Variants in ADGRF4 observed in about 807,000 individuals in gnomAD.
ADGRF4 encodes the protein G-protein coupled receptor PGR18.
ADGRF4 carries 63 observed loss-of-function variants against 58.5 expected under a neutral mutation model. The observed-to-expected ratio is 1.08, with a 90% CI of 0.88 to 1.33. The LOEUF is 1.33. ADGRF4 is among the 40% of genes most tolerant of loss of function. The pLI is 0.00. For missense variants in ADGRF4, 931 were observed against 843.9 expected, an observed-to-expected ratio of 1.10 and a Z score of -1.28; for synonymous variants, 313 against 295.4, an observed-to-expected ratio of 1.06 and a Z score of -0.61.
intron 8 of ADGRF4, among the ~76,000 whole-genome samples, chr6:47,717,645 C>A (rs1444863404): frequency 6.6e-6 from 1 of 152,158 alleles, no homozygotes; most frequent in Non-Finnish European, 1.5e-5. Flanking sequence ...AATGTGAGAG[C>A]GCTGAAATGA....
Position 47,714,494 on chromosome 6 carries a change from GTTCTTT to G in ADGRF4, c.1250_1255del (p.Val417_Cys419delinsGly). The G allele has an allele frequency of 1.2e-6, 2 of 1,614,104 alleles. No individual in the cohort carries two copies. The highest frequency in any genetic ancestry group is 1.7e-6 in the Non-Finnish European group (2 of 1,180,004). ...GCTCAGCGTCTCAATCCTAAGCTTG[GTTCTTT>G]GCCTGATCATTGAAGCCACAGTGTG... On this transcript the variant is annotated inframe_deletion, in exon 6 of 10. Transcript: ENST00000283303.
chr6:47,715,295 T>C, intron 6 of ADGRF4, 118 bp downstream of exon 6: 1 of 780,888 alleles, frequency 1.3e-6, no homozygotes. Flanking sequence ...ATCTTAGGGT[T>C]ATTTGGCTAT....
At chr6:47,698,989 GT>G (rs1457024592) in intron 1 of ADGRF4, among the ~76,000 whole-genome samples, 195 bp downstream of exon 1, 3 of 152,140 alleles carry the variant, frequency 2.0e-5, no homozygotes, top group Non-Finnish European at 4.4e-5. Context: ...TTTTACGTTT[GT>G]TTTTCTTTAA....
chr6:47,710,878 C>T lies in ADGRF4; in HGVS notation c.292C>T (p.Leu98Phe). ...ETCTSLSVEK[L>F]FKDSTGASRL... Reference sequence around the variant, plus strand: ...ATGTACAAGCCTTTCTGTGGAAAAACTCTTTAAGGTGATGCATTCACAAAT... The same window carrying T: ...ATGTACAAGCCTTTCTGTGGAAAAATTCTTTAAGGTGATGCATTCACAAAT... The change falls in exon 4 of 10, where the codon CTC (leucine) becomes TTC (phenylalanine). Residue 98 changes from leucine (L) to phenylalanine (F), a missense_variant. By Grantham distance (22) the Leu-to-Phe change is conservative. Coordinates refer to ENST00000283303, the MANE Select transcript of ADGRF4 (RefSeq NM_153838.5). The T allele has an allele frequency of 6.2e-7, 1 of 1,610,082 alleles. No homozygotes were observed. The highest frequency in any genetic ancestry group is 1.1e-5 in the South Asian group (1 of 89,880).
chr6:47,720,622 G>A (rs1035399331), intron 9 of ADGRF4, among the ~76,000 whole-genome samples: 1 of 152,198 alleles, frequency 6.6e-6, no homozygotes, highest in Admixed American at 6.5e-5. Flanking sequence ...CTGGGAGGCA[G>A]GGGAGAGAGG....
chr6:47,699,062 G>A (rs1396175507), intron 1 of ADGRF4, among the ~76,000 whole-genome samples: 1 of 152,106 alleles, frequency 6.6e-6, no homozygotes, highest in East Asian at 1.9e-4. Context: ...TATCCTGTCA[G>A]GCAAATAAAC....
intron 1 of ADGRF4, among the ~76,000 whole-genome samples, chr6:47,706,311 A>G (rs1448417990): frequency 2.6e-5 from 4 of 152,244 alleles, no homozygotes; most frequent in East Asian, 3.8e-4. Context: ...AAAAGGCAAG[A>G]AACAGAGATA....
rs372229386 is a variant in ADGRF4 at position 47,712,375 on chromosome 6, C to T, written c.319C>T (p.Arg107Cys). ...KLFKDSTGAS[R>C]LSVAAPSIPL... ...TAAACAGGACTCAACTGGTGCATCT[C>T]GCCTTTCTGTAGCAGCACCATCTAT... is the stretch of plus-strand genomic sequence containing the variant. The change falls in exon 5 of 10, where the codon CGC (arginine) becomes TGC (cysteine). Residue 107 changes from arginine (R) to cysteine (C), a missense_variant. Coordinates refer to ENST00000283303, the MANE Select transcript of ADGRF4 (RefSeq NM_153838.5). The T allele has an allele frequency of 1.7e-4, 267 of 1,613,754 alleles. No individual in the cohort carries two copies. The highest frequency in any genetic ancestry group is 2.1e-4 in the Non-Finnish European group (252 of 1,179,812).
At chr6:47,717,999 A>G (rs1429612824) in intron 8 of ADGRF4, among the ~76,000 whole-genome samples, 1 of 152,216 alleles carries the variant, frequency 6.6e-6, no homozygotes, top group Non-Finnish European at 1.5e-5. Context: ...CCCCTTCCTT[A>G]AAAACGAAAA....
chr6:47,714,906 A>G lies in ADGRF4; in HGVS notation c.1661A>G (p.Asp554Gly). The part of the protein sequence containing the change: ...MRPEACWLNW[D>G]NTKALLAFAI... Reference sequence around the variant, plus strand: ...CCTGAGGCCTGTTGGCTTAACTGGGACAATACCAAAGCCCTTTTAGCATTT... The same window carrying G: ...CCTGAGGCCTGTTGGCTTAACTGGGGCAATACCAAAGCCCTTTTAGCATTT... Residue 554 changes from aspartate to glycine, a missense_variant, in exon 6 of 10, where the codon GAC becomes GGC. Physicochemically the swap from Asp to Gly is moderately conservative, Grantham distance 94. Coordinates refer to ENST00000283303, the MANE Select transcript of ADGRF4 (RefSeq NM_153838.5). 1 of 1,612,948 alleles carries G rather than the reference A, an allele frequency of 6.2e-7. No individual in the cohort carries two copies.
chr6:47,710,877 A>T lies in ADGRF4; in HGVS notation c.291A>T (p.Lys97Asn), dbSNP rs1157592581. The T allele has an allele frequency of 6.2e-7, 1 of 1,611,160 alleles. No individual in the cohort carries two copies. Among genetic ancestry groups the T allele is most frequent in the Non-Finnish European group, 8.5e-7 (1 of 1,179,288 alleles). Residue 97 changes from lysine (K) to asparagine (N), a missense_variant, in exon 4 of 10, where the codon AAA (lysine) becomes AAT (asparagine). Lys to Asn is a moderately conservative substitution (Grantham distance 94). Coordinates refer to ENST00000283303, the MANE Select transcript of ADGRF4 (RefSeq NM_153838.5). ...CATGTACAAGCCTTTCTGTGGAAAA[A>T]CTCTTTAAGGTGATGCATTCACAAA... ...AETCTSLSVE[K>N]LFKDSTGASR...
intron 7 of ADGRF4, 81 bp downstream of exon 7, chr6:47,716,928 G>C: frequency 1.1e-6 from 1 of 951,944 alleles, no homozygotes; most frequent in Non-Finnish European, 1.7e-6. Flanking sequence ...TTTGATTGGA[G>C]AGCATACTCC....
chr6:47,702,662 T>G lies in ADGRF4; in HGVS notation c.-17+3868T>G, dbSNP rs77640594. On this transcript the variant is annotated intron_variant, in intron 1 of 9. Coordinates refer to ENST00000283303, the MANE Select transcript of ADGRF4 (RefSeq NM_153838.5). ...TGTTTCCCCTCACTGAGTACTAGAA[T>G]CTTGATTTAAATGGAGACGTCTCTT... 4.3e-3 allele frequency among the ~76,000 whole-genome samples: 660 copies of G among 152,284 alleles called. 3 individuals carry two copies. The highest frequency in any genetic ancestry group is 0.014 in the African/African-American group (575 of 41,564).
At chr6:47,711,005 A>C (rs922322368) in intron 4 of ADGRF4, 119 bp downstream of exon 4, 2 of 921,120 alleles carry the variant, frequency 2.2e-6, no homozygotes, top group Admixed American at 2.9e-5. Context: ...AGAAAAATCT[A>C]CAGAATGGGT....
At chr6:47,708,954 G>A (rs563252351) in intron 3 of ADGRF4, among the ~76,000 whole-genome samples, 1 of 151,572 alleles carries the variant, frequency 6.6e-6, no homozygotes, top group East Asian at 1.9e-4. Context: ...TTCCATATTT[G>A]TAACAACATT....
chr6:47,718,571 T>C, intron 9 of ADGRF4, 126 bp downstream of exon 9: 6 of 689,690 alleles, frequency 8.7e-6, no homozygotes, highest in Non-Finnish European at 1.3e-5. Context: ...GAGGGGGACA[T>C]CTTTTTCAAA....
At chr6:47,720,242 C>T (rs1176356932) in intron 9 of ADGRF4, among the ~76,000 whole-genome samples, 1 of 152,080 alleles carries the variant, frequency 6.6e-6, no homozygotes, top group Non-Finnish European at 1.5e-5. Context: ...CAGGGCAAAA[C>T]CCCAGGCACA....
intron 1 of ADGRF4, among the ~76,000 whole-genome samples, chr6:47,701,972 G>A (rs1167392334): frequency 6.6e-6 from 1 of 152,112 alleles, no homozygotes; most frequent in Non-Finnish European, 1.5e-5. Context: ...CCAAGTAGCT[G>A]GCATTATAGG....
At chr6:47,711,030 G>T in intron 4 of ADGRF4, 144 bp downstream of exon 4, 1 of 731,012 alleles carries the variant, frequency 1.4e-6, no homozygotes, top group Admixed American at 3.5e-5. Flanking sequence ...TTTGTTTCTT[G>T]ACCTTCTTTC....
Sources: gnomAD v4.1 joint callset for allele counts (sites outside exome capture counted in the v4.1 genomes callset) on GRCh38, gnomAD v4.1.1 for gene constraint, MANE v1.5 for transcripts, NCBI Gene and HGNC (gene_info 2026-07-23, HGNC 2026-07-21) for gene names.